RBM39: variants seen among roughly 807,000 people sequenced by gnomAD.
RBM39 encodes RNA binding motif protein 39.
RBM39 carries 12 observed loss-of-function variants against 79.6 expected under a neutral mutation model. The ratio of observed to expected loss-of-function variants is 0.15; its 90% CI spans 0.10 to 0.24. The LOEUF is 0.24. Among genes scored for constraint, RBM39 ranks in the 10% least tolerant of loss-of-function variants. The pLI, the probability that RBM39 is intolerant of heterozygous loss-of-function variation, is 1.00. For missense variants in RBM39, 243 were observed against 653.4 expected (o/e 0.37, Z 6.85); for synonymous variants, 185 against 208.4 (o/e 0.89, Z 0.97).
chr20:35,720,041 CCAAA>C (rs758050239), intron 9 of RBM39: 13 of 237,116 alleles, frequency 5.5e-5, no homozygotes, highest in Middle Eastern at 1.6e-3. Context: ...CCTCGGCCTC[CCAAA>C]CAAAGAGATG....
intron 3 of RBM39, chr20:35,734,512 A>C: frequency 4.8e-6 from 1 of 209,792 alleles, no homozygotes; most frequent in East Asian, 1.3e-4. Flanking sequence ...GTAAAAAGTA[A>C]CTCCATCCCC....
At chr20:35,712,010 T>C (rs1202983743) in intron 12 of RBM39, among the ~76,000 whole-genome samples, 5 of 152,224 alleles carry the variant, frequency 3.3e-5, no homozygotes, top group Non-Finnish European at 7.4e-5. Flanking sequence ...CCAGAATTCC[T>C]TGAACCCAGG....
At chr20:35,706,744 C>T (rs2035775147) in intron 14 of RBM39, among the ~76,000 whole-genome samples, 1 of 151,684 alleles carries the variant, frequency 6.6e-6, no homozygotes, top group African/African-American at 2.4e-5. Flanking sequence ...ACGGAAATAC[C>T]AGGCCGGGCC....
At chr20:35,734,148 T>C in intron 3 of RBM39, 2 of 1,226,202 alleles carry the variant, frequency 1.6e-6, no homozygotes, top group Admixed American at 2.4e-5. Context: ...GCAGGTCATC[T>C]TTAGAGTGCA....
At chr20:35,729,960 G>A (rs1386627153) in intron 4 of RBM39, among the ~76,000 whole-genome samples, 1 of 151,982 alleles carries the variant, frequency 6.6e-6, no homozygotes, top group African/African-American at 2.4e-5. Flanking sequence ...CCTCTCTTGG[G>A]AATCTATGTG....
In RBM39 at chr20:35,722,457, G is replaced by GTTTTTTTTTT. The variant is rs1423718184; in HGVS notation, c.688-581_688-580insAAAAAAAAAA. Among the ~76,000 whole-genome samples the GTTTTTTTTTT allele has an allele frequency of 6.9e-4, 90 of 131,222 alleles. 1 individual carries two copies. Among genetic ancestry groups the GTTTTTTTTTT allele is most frequent in the Non-Finnish European group, 7.8e-4 (50 of 63,776 alleles). The allele number at this position is 131,222 out of a possible 152,430, so 86.1% of individuals were successfully genotyped here. A position where few individuals can be genotyped will look rare whatever the true frequency, so the allele number is the denominator to read the frequency against. On this transcript the variant is annotated intron_variant, in intron 8 of 16. Transcript: ENST00000253363. ...ATAAAAATAAAAAGTTTATTTAGAG[G>GTTTTTTTTTT]CTTTTTTTTTTTTTTTTTTGAGACA...
Position 35,701,779 on chromosome 20 carries a change from G to C in RBM39, c.*2702C>G, listed in dbSNP as rs1304260589. The stretch of plus-strand genomic sequence containing the variant: ...AAAACAAAAAAAATTTGTATTCTTA[G>C]TAGAGACGGGGTTTCACTGTGTTGG... On this transcript the variant is annotated 3_prime_UTR_variant, in exon 17 of 17. Coordinates refer to ENST00000253363, the MANE Select transcript of RBM39 (RefSeq NM_184234.3). 2 of 152,026 alleles carry C rather than the reference G, an allele frequency of 1.3e-5. No homozygotes were observed. Among genetic ancestry groups the C allele is most frequent in the Admixed American group, 1.3e-4 (2 of 15,252 alleles). The allele number at this position is 152,026 out of a possible 1,614,324, so 9.4% of individuals were successfully genotyped here.
In RBM39 at chr20:35,740,836, A is replaced by C. The variant is rs201654226; in HGVS notation, c.39T>G (p.Ala13=). The part of the protein sequence containing the change: ...DDIDIEAMLE[A]PYKKDENKLS... ...TGTTTTTTCTCACCTTCTTGTAAGGAGCCTCAAGCATTGCTTCAATATCAA... is the reference window on the plus strand; with the variant it reads ...TGTTTTTTCTCACCTTCTTGTAAGGCGCCTCAAGCATTGCTTCAATATCAA... The change falls in exon 2 of 17, where the codon GCT becomes GCG. Residue 13 remains alanine (A), a synonymous_variant. Transcript: ENST00000253363. The C allele has an allele frequency of 5.8e-5, 93 of 1,612,276 alleles. 1 individual carries two copies. The highest frequency in any genetic ancestry group is 3.3e-4 in the Middle Eastern group (2 of 6,074).
At chr20:35,739,663 A>G in intron 2 of RBM39, 1 of 368,870 alleles carries the variant, frequency 2.7e-6, no homozygotes, top group Non-Finnish European at 5.7e-6. Flanking sequence ...ATACCTGTTT[A>G]CATGGAATTA....
intron 2 of RBM39, 116 bp downstream of exon 2, chr20:35,740,706 ATC>A: frequency 1.5e-6 from 2 of 1,302,866 alleles, no homozygotes; most frequent in Non-Finnish European, 2.2e-6. Flanking sequence ...CACGTAATGC[ATC>A]TCTGATAAGA....
At chr20:35,735,189 T>C in intron 3 of RBM39, 2 of 1,345,232 alleles carry the variant, frequency 1.5e-6, no homozygotes, top group Non-Finnish European at 1.9e-6. Flanking sequence ...TGTTATCTTT[T>C]ATTGAGTAAT....
chr20:35,721,357 ACT>A (rs1478936492), intron 9 of RBM39, among the ~76,000 whole-genome samples: 2 of 152,132 alleles, frequency 1.3e-5, no homozygotes, highest in African/African-American at 4.8e-5. Context: ...ACAGGATCAC[ACT>A]GTTACCCAAG....
chr20:35,722,654 C>A (rs1304898988), intron 8 of RBM39, among the ~76,000 whole-genome samples: 3 of 151,484 alleles, frequency 2.0e-5, no homozygotes, highest in Non-Finnish European at 4.4e-5. Context: ...AGCAGGCTGG[C>A]CGGGTGCAGT....
intron 3 of RBM39, chr20:35,735,157 T>A: frequency 7.2e-7 from 1 of 1,389,952 alleles, no homozygotes; most frequent in Non-Finnish European, 9.4e-7. Context: ...GTAGCCAATA[T>A]ATTTCAACTG....
chr20:35,705,972 C>T (rs1463921984), intron 14 of RBM39, among the ~76,000 whole-genome samples: 2 of 151,916 alleles, frequency 1.3e-5, no homozygotes, highest in African/African-American at 2.4e-5. Context: ...GAAGCTGAGG[C>T]GGGCACATCA....
chr20:35,739,714 T>C, intron 2 of RBM39: 1 of 335,744 alleles, frequency 3.0e-6, no homozygotes, highest in South Asian at 2.4e-5. Context: ...AATCTTAACA[T>C]TAAAACAGAA....
At chr20:35,720,842 C>A (rs2037836302) in intron 9 of RBM39, among the ~76,000 whole-genome samples, 1 of 152,134 alleles carries the variant, frequency 6.6e-6, no homozygotes, top group Admixed American at 6.5e-5. Flanking sequence ...AACAGCCTTG[C>A]CAGAGGGGCA....
intron 9 of RBM39, chr20:35,720,035 G>T: frequency 4.2e-6 from 1 of 239,526 alleles, no homozygotes; most frequent in Non-Finnish European, 9.0e-6. Context: ...CACTTGCCTC[G>T]GCCTCCCAAA....
intron 4 of RBM39, among the ~76,000 whole-genome samples, chr20:35,730,627 T>G (rs1276090363): frequency 6.6e-6 from 1 of 152,084 alleles, no homozygotes; most frequent in Non-Finnish European, 1.5e-5. Flanking sequence ...CTAAGTAATT[T>G]TTTATTAAAG....
Sources: allele counts gnomAD v4.1 joint callset (sites outside exome capture counted in the v4.1 genomes callset), GRCh38; gene constraint gnomAD v4.1.1; transcripts MANE v1.5; gene names NCBI Gene and HGNC (gene_info 2026-07-23, HGNC 2026-07-21).